MSL1: variants seen among roughly 807,000 people sequenced by gnomAD.
The protein encoded by MSL1 is MSL complex subunit 1, also known as male-specific lethal 1 homolog.
In MSL1, 21 loss-of-function variants were observed where a neutral mutation model predicts 64.6. That is an observed-to-expected ratio of 0.33 (90% CI 0.23 to 0.47). The LOEUF (loss-of-function observed/expected upper bound fraction) is 0.47. Among genes scored for constraint, MSL1 ranks in the 20% least tolerant of loss-of-function variants. MSL1 has a pLI of 1.00. For synonymous variants in MSL1, 339 were observed against 329.6 expected (o/e 1.03, Z -0.31); for missense variants, 664 against 793.2 (o/e 0.84, Z 1.96).
Position 40,131,945 on chromosome 17 carries a change from C to A in MSL1, c.1424-89C>A, listed in dbSNP as rs754274312. On this transcript the variant is annotated intron_variant, in intron 4 of 8. Transcript: ENST00000398532. This position sits in a 1 kb window ranked among gnomAD's most constrained non-coding sequence, Gnocchi z 4.5. ...TAACTTTGTCTCTTCTGGGGAGAGA[C>A]CTCTTATCCTAGTGAATAGTTGTGC... The A allele has an allele frequency of 1.8e-4, 164 of 922,150 alleles. No individual in the cohort carries two copies. The highest frequency in any genetic ancestry group is 2.7e-4 in the Non-Finnish European group (160 of 589,370). 57.1% of individuals were successfully genotyped at this position (922,150 alleles called of 1,614,324 possible).
At chr17:40,133,243 C>A in intron 6 of MSL1, 134 bp downstream of exon 6, 1 of 867,954 alleles carries the variant, frequency 1.2e-6, no homozygotes, top group South Asian at 1.7e-5. Flanking sequence ...ACTGGCTTCC[C>A]AGTTGGTTGA....
chr17:40,133,272 G>T (rs1007403720), intron 6 of MSL1, 163 bp downstream of exon 6: 2 of 763,340 alleles, frequency 2.6e-6, no homozygotes. Context: ...GTTGGAAATG[G>T]TAGTTGTTGC....
rs754322397 is a variant in MSL1, at chr17:40,132,021, T to A, written c.1424-13T>A. ...CCCCTCCTCCCTTTCTTTTTCTCTCTCTTTTTTTTCAGTTCCTTCTTGGAG... is the reference window on the plus strand; with the variant it reads ...CCCCTCCTCCCTTTCTTTTTCTCTCACTTTTTTTTCAGTTCCTTCTTGGAG... On this transcript the variant is annotated splice_polypyrimidine_tract_variant and intron_variant, in intron 4 of 8. Transcript: ENST00000398532. 3 of 1,574,700 alleles carry A rather than the reference T, an allele frequency of 1.9e-6. No individual in the cohort carries two copies. The highest frequency in any genetic ancestry group is 2.6e-6 in the Non-Finnish European group (3 of 1,157,976).
chr17:40,130,690 T>C (rs567546440), intron 3 of MSL1, among the ~76,000 whole-genome samples: 1 of 152,332 alleles, frequency 6.6e-6, no homozygotes, highest in South Asian at 2.1e-4. Context: ...TAACCTCTAT[T>C]AGGCCTCACA....
chr17:40,122,463 CG>C lies in MSL1; in HGVS notation c.-148del, dbSNP rs1278639903. The C allele has an allele frequency of 2.0e-6, 1 of 506,652 alleles. No individual in the cohort carries two copies. Among genetic ancestry groups the C allele is most frequent in the East Asian group, 3.6e-5 (1 of 28,058 alleles). The allele number at this position is 506,652 out of a possible 1,614,324, so 31.4% of individuals were successfully genotyped here. On this transcript the variant is annotated 5_prime_UTR_variant, in exon 1 of 9. It removes the in-frame stop codon of an upstream open reading frame in the 5' UTR. Transcript: ENST00000398532. The surrounding 1 kb of genome is among the most constrained non-coding windows in gnomAD (Gnocchi z 4.2). ...CGCCGGCGGGATGGCGCCCGGGCCC[CG>C]GAGGAGCCGCGCTAGCGGAGGCCTG...
chr17:40,124,037 G>A (rs560459566), intron 1 of MSL1, among the ~76,000 whole-genome samples: 1 of 152,248 alleles, frequency 6.6e-6, no homozygotes, highest in South Asian at 2.1e-4. Flanking sequence ...TAGGGCATCA[G>A]GGGAAAGTAA....
chr17:40,129,312 G>C lies in MSL1; in HGVS notation c.1060G>C (p.Val354Leu), dbSNP rs1374710372. ...VKKLAPEFSK[V>L]KTKTPKHSPI... ...AAAGCTGGCTCCTGAATTTTCAAAA[G>C]TCAAAACAAAAACTCCTAAGCACTC... The change falls in exon 3 of 9, where the codon GTC becomes CTC. Residue 354 changes from valine (V) to leucine (L), a missense_variant. By Grantham distance (32) the Val-to-Leu change is conservative. Transcript: ENST00000398532. 32 of 1,584,288 alleles carry C rather than the reference G, an allele frequency of 2.0e-5. No individual in the cohort carries two copies. Among genetic ancestry groups the C allele is most frequent in the Non-Finnish European group, 2.6e-5 (31 of 1,172,488 alleles).
intron 1 of MSL1, among the ~76,000 whole-genome samples, chr17:40,125,404 G>T (rs1030672181): frequency 6.6e-6 from 1 of 152,166 alleles, no homozygotes; most frequent in Non-Finnish European, 1.5e-5. Context: ...ATTCCTGGTG[G>T]CACTGTATGA....
Position 40,129,398 on chromosome 17 carries a change from G to A in MSL1, c.1146G>A (p.Arg382=), listed in dbSNP as rs1174089230. 1.9e-6 allele frequency: 3 copies of A among 1,613,522 alleles called. No homozygotes were observed. Among genetic ancestry groups the A allele is most frequent in the Non-Finnish European group, 1.7e-6 (2 of 1,179,824 alleles). Residue 382 remains arginine (R), a synonymous_variant, in exon 3 of 9, where the codon AGG becomes AGA. Coordinates refer to ENST00000398532, the MANE Select transcript of MSL1 (RefSeq NM_001365919.1). ...AAACTGTTTGTAAACGTGAATTGAG[G>A]AGCCAAGAAACCCCAGAAAAGCCCC... The part of the protein sequence containing the change: ...LSETVCKREL[R]SQETPEKPRS...
intron 8 of MSL1, 35 bp from the exon 9 acceptor site, chr17:40,134,244 T>C: frequency 6.5e-7 from 1 of 1,531,476 alleles, no homozygotes; most frequent in South Asian, 1.2e-5. Flanking sequence ...TCCCTTCTAG[T>C]CTTGCAAGTT....
intron 5 of MSL1, among the ~76,000 whole-genome samples, chr17:40,132,380 ATAAT>A (rs1988454398): frequency 6.6e-6 from 1 of 152,168 alleles, no homozygotes; most frequent in Non-Finnish European, 1.5e-5. Flanking sequence ...GCTTACGCCT[ATAAT>A]CCCAGCACTT....
chr17:40,132,601 T>C (rs573445755), intron 5 of MSL1, among the ~76,000 whole-genome samples: 79 of 152,126 alleles, frequency 5.2e-4, no homozygotes, highest in Non-Finnish European at 4.4e-5. Flanking sequence ...ATCGCACCAC[T>C]GCACTCCAGC....
Position 40,122,618 on chromosome 17 carries a change from C to G in MSL1, c.6C>G (p.Thr2=). Residue 2 remains threonine, a synonymous_variant, in exon 1 of 9, where the codon ACC becomes ACG. Coordinates refer to ENST00000398532, the MANE Select transcript of MSL1 (RefSeq NM_001365919.1). The surrounding 1 kb of genome is among the most constrained non-coding windows in gnomAD (Gnocchi z 4.2). ...CGGCGCTGCTCCGGACCACTATGACCATGAGATCCGCGGTGTTCAAGGCGG... is the reference window on the plus strand; with the variant it reads ...CGGCGCTGCTCCGGACCACTATGACGATGAGATCCGCGGTGTTCAAGGCGG... M[T]MRSAVFKAAA... The G allele has an allele frequency of 6.7e-7, 1 of 1,482,838 alleles. No individual in the cohort carries two copies. Among genetic ancestry groups the G allele is most frequent in the Admixed American group, 2.3e-5 (1 of 43,492 alleles). 91.9% of individuals were successfully genotyped at this position (1,482,838 alleles called of 1,614,324 possible). A position where few individuals can be genotyped will look rare whatever the true frequency, so the allele number is the denominator to read the frequency against.
chr17:40,123,765 T>TG (rs1244545280), intron 1 of MSL1, among the ~76,000 whole-genome samples: 2 of 152,166 alleles, frequency 1.3e-5, no homozygotes, highest in Non-Finnish European at 2.9e-5. Context: ...GCGTTAGAAA[T>TG]GCACGGTGGA....
At chr17:40,123,772 TGGA>T (rs1019888720) in intron 1 of MSL1, among the ~76,000 whole-genome samples, 1 of 152,126 alleles carries the variant, frequency 6.6e-6, no homozygotes, top group African/African-American at 2.4e-5. Context: ...AAATGCACGG[TGGA>T]GGAGAGGGCT....
intron 1 of MSL1, 78 bp downstream of exon 1, chr17:40,123,458 T>C: frequency 7.1e-7 from 1 of 1,412,284 alleles, no homozygotes; most frequent in Non-Finnish European, 9.6e-7. Flanking sequence ...TGTAGGAGGT[T>C]AAGGCACCCC....
chr17:40,130,667 C>T lies in MSL1; in HGVS notation c.1376-870C>T, dbSNP rs534094125. Reference sequence around the variant, plus strand: ...AATTAAGTGGGAAAGCTAGATTAGTCGTCTTAATGATCTAACCTCTATTAG... The same window carrying T: ...AATTAAGTGGGAAAGCTAGATTAGTTGTCTTAATGATCTAACCTCTATTAG... On this transcript the variant is annotated intron_variant, in intron 3 of 8. Transcript: ENST00000398532. 4.3e-4 allele frequency among the ~76,000 whole-genome samples: 66 copies of T among 152,234 alleles called. No individual in the cohort carries two copies. The South Asian group carries it at 4.6e-3, about 11-fold the overall frequency.
chr17:40,134,251 A>G (rs1988496654), intron 8 of MSL1, 28 bp from the exon 9 acceptor site: 1 of 1,545,196 alleles, frequency 6.5e-7, no homozygotes, highest in Non-Finnish European at 8.8e-7. Flanking sequence ...TAGTCTTGCA[A>G]GTTGATTTCC....
In MSL1 at chr17:40,131,750, G is replaced by GTT. The variant is rs1261102386; in HGVS notation, c.1423+170_1423+171dup. The GTT allele has an allele frequency of 1.4e-6, 1 of 713,340 alleles. No homozygotes were observed. The highest frequency in any genetic ancestry group is 2.5e-5 in the East Asian group (1 of 40,212). The allele number at this position is 713,340 out of a possible 1,614,324, so 44.2% of individuals were successfully genotyped here. On this transcript the variant is annotated intron_variant, in intron 4 of 8. Coordinates refer to ENST00000398532, the MANE Select transcript of MSL1 (RefSeq NM_001365919.1). The surrounding 1 kb of genome is among the most constrained non-coding windows in gnomAD (Gnocchi z 4.5). ...TTCAAAATGACAACAAATTTCAGTT[G>GTT]TTTTTCAGGAACTGCTATAGCATCA...
Sources: gnomAD v4.1 joint callset for allele counts (sites outside exome capture counted in the v4.1 genomes callset) on GRCh38, gnomAD v4.1.1 for gene constraint, Gnocchi (gnomAD v3.1) non-coding constraint, MANE v1.5 for transcripts, NCBI Gene and HGNC (gene_info 2026-07-23, HGNC 2026-07-21) for gene names.